SPATA9: variants seen among roughly 807,000 people sequenced by gnomAD.
The protein encoded by SPATA9 is spermatogenesis-associated protein 9.
A neutral mutation model predicts 25.5 loss-of-function variants in SPATA9; 27 were observed. The ratio of observed to expected loss-of-function variants is 1.06; its 90% confidence interval spans 0.78 to 1.46. The LOEUF is 1.46. Ranked by LOEUF, SPATA9 falls within the 40% of genes most tolerant of loss-of-function variation. SPATA9 has a pLI of 0.00. For missense variants in SPATA9, 282 were observed against 297.5 expected, an observed-to-expected ratio of 0.95 and a Z score of 0.38; for synonymous variants, 102 against 105.7, an observed-to-expected ratio of 0.97 and a Z score of 0.21.
the SPATA9 span, among the ~76,000 whole-genome samples, chr5:95,710,308 T>A: frequency 1.4e-3 from 218 of 152,298 alleles, 4 homozygotes; most frequent in South Asian, 0.036. Context: ...AAACACCATG[T>A]GGGAGAGAAA....
intron 4 of SPATA9, among the ~76,000 whole-genome samples, chr5:95,662,714 ATC>A (rs978997591): frequency 2.6e-5 from 4 of 152,266 alleles, no homozygotes; most frequent in African/African-American, 7.2e-5. Flanking sequence ...TAAGAAAGAC[ATC>A]TCTCAATAGA....
At chr5:95,683,599 G>A (rs1024820741), upstream of SPATA9, among the ~76,000 whole-genome samples, 10 of 152,116 alleles carry the variant, frequency 6.6e-5, no homozygotes, top group East Asian at 5.8e-4. Flanking sequence ...GTGCAGTGGC[G>A]CGATCTTGGC....
At chr5:95,690,281 C>T (rs71630721) in intron 1 of SPATA9, among the ~76,000 whole-genome samples, 2,995 of 152,108 alleles carry the variant, frequency 0.02, 41 homozygotes, top group Middle Eastern at 0.054. Flanking sequence ...ATATATTTTT[C>T]CTAGATGTAC....
At chr5:95,670,749 G>T in intron 3 of SPATA9, 1 of 690,966 alleles carries the variant, frequency 1.4e-6, no homozygotes, top group Non-Finnish European at 1.8e-6. Flanking sequence ...TTTGCTCTCA[G>T]CACACTCTGG....
chr5:95,709,720 A>G, the SPATA9 span, among the ~76,000 whole-genome samples: 1 of 152,232 alleles, frequency 6.6e-6, no homozygotes, highest in Admixed American at 6.5e-5. Flanking sequence ...GGTGTCTACT[A>G]GTACTAGAAG....
intron 4 of SPATA9, among the ~76,000 whole-genome samples, chr5:95,659,835 C>T (rs993320009): frequency 1.3e-5 from 2 of 152,040 alleles, no homozygotes; most frequent in Non-Finnish European, 2.9e-5. Flanking sequence ...ATTAGCTACC[C>T]TGTAACTAAT....
chr5:95,709,546 G>A, the SPATA9 span, among the ~76,000 whole-genome samples: 1 of 152,048 alleles, frequency 6.6e-6, no homozygotes, highest in Non-Finnish European at 1.5e-5. Context: ...AATGTTTAAC[G>A]TCTTACTGAC....
chr5:95,711,656 T>A, the SPATA9 span, among the ~76,000 whole-genome samples: 1 of 151,924 alleles, frequency 6.6e-6, no homozygotes, highest in East Asian at 1.9e-4. Flanking sequence ...TGTAAGGCGG[T>A]GGGACTGGGT....
chr5:95,656,230 CTCTT>C (rs767939074), downstream of SPATA9: 4 of 1,613,560 alleles, frequency 2.5e-6, no homozygotes, highest in Non-Finnish European at 3.4e-6. Context: ...ATTTATGTGA[CTCTT>C]TCTAATGAAC....
intron 3 of SPATA9, among the ~76,000 whole-genome samples, chr5:95,669,436 A>C (rs903664747): frequency 1.3e-5 from 2 of 152,296 alleles, no homozygotes; most frequent in South Asian, 4.1e-4. Flanking sequence ...GAAACTTTAC[A>C]TAGGTAAGTT....
the SPATA9 span, among the ~76,000 whole-genome samples, chr5:95,728,486 G>C: frequency 6.6e-6 from 1 of 152,180 alleles, no homozygotes; most frequent in East Asian, 1.9e-4. Flanking sequence ...TTCTGACACA[G>C]AAAGCACAGA....
intron 3 of SPATA9, among the ~76,000 whole-genome samples, chr5:95,664,449 A>G (rs1751565399): frequency 1.3e-5 from 2 of 152,230 alleles, no homozygotes; most frequent in African/African-American, 4.8e-5. Context: ...AGCTTTTCCT[A>G]GAGATTAATG....
intron 3 of SPATA9, among the ~76,000 whole-genome samples, chr5:95,668,728 AC>A (rs1752061434): frequency 6.6e-6 from 1 of 152,218 alleles, no homozygotes; most frequent in African/African-American, 2.4e-5. Context: ...AACATTTTGA[AC>A]CTTTAATTCA....
the SPATA9 span, among the ~76,000 whole-genome samples, chr5:95,724,540 C>T: frequency 0.49 from 75,196 of 151,982 alleles, 19,302 homozygotes; most frequent in East Asian, 0.91. Flanking sequence ...AGGGCACAGA[C>T]CCTGGGGCCA....
At chr5:95,661,330 T>C (rs6878786) in intron 4 of SPATA9, among the ~76,000 whole-genome samples, 2,226 of 152,238 alleles carry the variant, frequency 0.015, 46 homozygotes, top group African/African-American at 0.05. Flanking sequence ...TCTCTTGATA[T>C]GGTTCCACTC....
chr5:95,710,507 T>G, the SPATA9 span, among the ~76,000 whole-genome samples: 1 of 152,194 alleles, frequency 6.6e-6, no homozygotes, highest in African/African-American at 2.4e-5. Flanking sequence ...CGCAGGCAAC[T>G]TGGCCATCCA....
upstream of SPATA9, among the ~76,000 whole-genome samples, chr5:95,700,295 TA>T (rs1229079192): frequency 1.3e-5 from 2 of 151,950 alleles, no homozygotes; most frequent in Admixed American, 1.3e-4. Context: ...TAACTACATT[TA>T]AAAAAAATTT....
intron 4 of SPATA9, chr5:95,659,187 A>G (rs1401288950): frequency 9.6e-6 from 3 of 311,570 alleles, no homozygotes; most frequent in Non-Finnish European, 1.8e-5. Context: ...GCTGTTTTAC[A>G]TCTTTATTCT....
chr5:95,695,615 C>T (rs1032585558), intron 1 of SPATA9, among the ~76,000 whole-genome samples: 3 of 152,176 alleles, frequency 2.0e-5, no homozygotes, highest in Non-Finnish European at 4.4e-5. Context: ...AACAAACAAA[C>T]AAACACATTT....
Sources: allele counts gnomAD v4.1 joint callset (sites outside exome capture counted in the v4.1 genomes callset), GRCh38; gene constraint gnomAD v4.1.1; transcripts MANE v1.5; gene names NCBI Gene and HGNC (gene_info 2026-07-23, HGNC 2026-07-21).